The following UBE2V2 variants were observed in gnomAD, a reference collection of about 807,000 sequenced individuals.
UBE2V2 encodes the protein ubiquitin-conjugating enzyme E2 variant 2.
UBE2V2 carries 9 observed loss-of-function variants against 17.2 expected under a neutral mutation model. The ratio of observed to expected loss-of-function variants is 0.52; its 90% CI spans 0.32 to 0.91. UBE2V2 has a LOEUF of 0.91. Among genes scored for constraint, UBE2V2 ranks in the 40% least tolerant of loss-of-function variants. The pLI is 0.04. For synonymous variants in UBE2V2, 61 were observed against 57.5 expected, an observed-to-expected ratio of 1.06 and a Z score of -0.28; for missense variants, 133 against 182.6, an observed-to-expected ratio of 0.73 and a Z score of 1.56.
At chr8:48,048,939 C>T (rs1449073249) in intron 2 of UBE2V2, among the ~76,000 whole-genome samples, 1 of 151,646 alleles carries the variant, frequency 6.6e-6, no homozygotes, top group African/African-American at 2.4e-5. Flanking sequence ...CTCTTTAAAA[C>T]AATTTTTTTT....
intron 1 of UBE2V2, chr8:48,041,737 C>G (rs903753821): frequency 1.3e-5 from 2 of 151,908 alleles, no homozygotes; most frequent in Non-Finnish European, 2.9e-5. Flanking sequence ...TTTTGACTCC[C>G]CTTCCTAAAC....
At chr8:48,021,259 A>G (rs2091303008) in intron 1 of UBE2V2, among the ~76,000 whole-genome samples, 1 of 142,262 alleles carries the variant, frequency 7.0e-6, no homozygotes, top group African/African-American at 2.6e-5. Flanking sequence ...TTGTATTTTT[A>G]GTAGAGACAG....
chr8:48,042,113 C>T (rs2154507706), intron 1 of UBE2V2: 1 of 152,244 alleles, frequency 6.6e-6, no homozygotes, highest in Middle Eastern at 3.4e-3. Context: ...ATCCATGTCA[C>T]TGGAATTATG....
upstream of UBE2V2, among the ~76,000 whole-genome samples, chr8:48,007,347 A>G (rs1411421498): frequency 6.6e-6 from 1 of 152,204 alleles, no homozygotes; most frequent in Non-Finnish European, 1.5e-5. Context: ...ACATGATTGT[A>G]TATTTAGAAA....
rs181848030 is a variant in UBE2V2 at position 48,036,515 on chromosome 8, C to T, written c.17-6518C>T. Reference sequence around the variant, plus strand: ...GTGGTGCGATCTTGGCTCACTGCAACCTCTGCCACCTGGGTTCAAGAAATT... The same window carrying T: ...GTGGTGCGATCTTGGCTCACTGCAATCTCTGCCACCTGGGTTCAAGAAATT... On this transcript the variant is annotated intron_variant, in intron 1 of 3. Coordinates refer to ENST00000523111, the MANE Select transcript of UBE2V2 (RefSeq NM_003350.3). Among the ~76,000 whole-genome samples, 47 of 152,054 alleles carry T rather than the reference C, an allele frequency of 3.1e-4. No individual in the cohort carries two copies. The East Asian group carries it at 8.2e-3, about 27-fold the overall frequency.
chr8:48,032,187 C>T lies in UBE2V2; in HGVS notation c.17-10846C>T, dbSNP rs1032519535. On this transcript the variant is annotated intron_variant, in intron 1 of 3. Transcript: ENST00000523111. Reference sequence around the variant, plus strand: ...ATACTGGATTCTACAAACATACTGACGTGTTCTCATTTGTTAACTGAATAC... The same window carrying T: ...ATACTGGATTCTACAAACATACTGATGTGTTCTCATTTGTTAACTGAATAC... Among the ~76,000 whole-genome samples the T allele has an allele frequency of 5.3e-5, 8 of 152,238 alleles. No individual in the cohort carries two copies. The East Asian group carries it at 9.7e-4, about 18-fold the overall frequency.
chr8:48,030,530 G>A (rs2091375257), intron 1 of UBE2V2, among the ~76,000 whole-genome samples: 1 of 152,176 alleles, frequency 6.6e-6, no homozygotes, highest in Non-Finnish European at 1.5e-5. Context: ...AGACCAGCCT[G>A]GGCAACATGG....
intron 1 of UBE2V2, chr8:48,042,497 T>G (rs1446866103): frequency 6.6e-6 from 1 of 152,102 alleles, no homozygotes; most frequent in East Asian, 1.9e-4. Context: ...GATTCTGTTT[T>G]CACATGCCCC....
Position 48,035,378 on chromosome 8 carries a change from C to A in UBE2V2, c.17-7655C>A, listed in dbSNP as rs578033028. On this transcript the variant is annotated intron_variant, in intron 1 of 3. Coordinates refer to ENST00000523111, the MANE Select transcript of UBE2V2 (RefSeq NM_003350.3). ...TCAGGTGATATACCCACCTTGGCCT[C>A]CCAAAGTGCTGGGATTACAGGCATG... Among the ~76,000 whole-genome samples the A allele has an allele frequency of 6.1e-3, 932 of 152,000 alleles. 12 individuals are homozygous for A. The highest frequency in any genetic ancestry group is 0.022 in the African/African-American group (902 of 41,478).
At chr8:47,997,538 G>C in the UBE2V2 span, among the ~76,000 whole-genome samples, 1 of 152,030 alleles carries the variant, frequency 6.6e-6, no homozygotes, top group East Asian at 1.9e-4. Flanking sequence ...ATAATATAGA[G>C]ATCATGCCAA....
At chr8:48,041,800 T>C (rs1014714206) in intron 1 of UBE2V2, 1 of 151,588 alleles carries the variant, frequency 6.6e-6, no homozygotes, top group Admixed American at 6.6e-5. Flanking sequence ...CACTCTTCTT[T>C]TTTTTTTTTT....
At chr8:48,019,198 C>G (rs1053652136) in intron 1 of UBE2V2, among the ~76,000 whole-genome samples, 1 of 152,136 alleles carries the variant, frequency 6.6e-6, no homozygotes, top group Admixed American at 6.6e-5. Flanking sequence ...AACCCCATCT[C>G]TACTAAAAAT....
At chr8:48,007,746 T>C (rs1307205440), upstream of UBE2V2, among the ~76,000 whole-genome samples, 3 of 151,592 alleles carry the variant, frequency 2.0e-5, no homozygotes, top group Non-Finnish European at 2.9e-5. Context: ...TCTTTCTTTT[T>C]TTTTTTTGAA....
At chr8:48,020,678 T>A (rs1406132836) in intron 1 of UBE2V2, among the ~76,000 whole-genome samples, 3 of 152,182 alleles carry the variant, frequency 2.0e-5, no homozygotes, top group Non-Finnish European at 4.4e-5. Flanking sequence ...TGGTCATAGC[T>A]CACTATAACC....
chr8:48,043,150 G>T lies in UBE2V2; in HGVS notation c.134G>T (p.Arg45Met). ...LEDDEDMTLT[R>M]WTGMIIGPPR... ...GATGATGAAGATATGACACTTACAA[G>T]GTGGACAGGCATGATTATTGGGCCA... Residue 45 changes from arginine (R) to methionine (M), a missense_variant, in exon 2 of 4, where the codon AGG becomes ATG. Coordinates refer to ENST00000523111, the MANE Select transcript of UBE2V2 (RefSeq NM_003350.3). 6.3e-7 allele frequency: 1 copy of T among 1,579,150 alleles called. No homozygotes were observed. Among genetic ancestry groups the T allele is most frequent in the South Asian group, 1.2e-5 (1 of 83,588 alleles).
chr8:48,059,181 C>A (rs968066192), intron 3 of UBE2V2, among the ~76,000 whole-genome samples: 1 of 151,958 alleles, frequency 6.6e-6, no homozygotes, highest in East Asian at 1.9e-4. Flanking sequence ...GCAATCCGCC[C>A]GCCTCGGCCT....
chr8:48,006,137 A>G (rs918286975), upstream of UBE2V2, among the ~76,000 whole-genome samples: 5 of 152,152 alleles, frequency 3.3e-5, no homozygotes, highest in African/African-American at 1.2e-4. Flanking sequence ...TAGGGTTTTT[A>G]TGGTTTTAGG....
At chr8:48,037,543 A>G (rs2091432879) in intron 1 of UBE2V2, among the ~76,000 whole-genome samples, 1 of 152,218 alleles carries the variant, frequency 6.6e-6, no homozygotes, top group South Asian at 2.1e-4. Flanking sequence ...GGTTCTTAGT[A>G]GAGCAAAACT....
chr8:48,021,175 T>C (rs1353145621), intron 1 of UBE2V2, among the ~76,000 whole-genome samples: 1 of 151,650 alleles, frequency 6.6e-6, no homozygotes, highest in Non-Finnish European at 1.5e-5. Context: ...CCTCCTGGGT[T>C]CAAGCAATTC....
Sources: gnomAD v4.1 joint callset for allele counts (sites outside exome capture counted in the v4.1 genomes callset) on GRCh38, gnomAD v4.1.1 for gene constraint, MANE v1.5 for transcripts, NCBI Gene and HGNC (gene_info 2026-07-23, HGNC 2026-07-21) for gene names.